SGCD: variants seen among roughly 807,000 people sequenced by gnomAD.
SGCD encodes the protein sarcoglycan delta, also known as delta-sarcoglycan.
SGCD carries 18 observed loss-of-function variants against 36.6 expected under a neutral mutation model. The ratio of observed to expected loss-of-function variants is 0.49; its 90% confidence interval spans 0.34 to 0.73. The LOEUF (loss-of-function observed/expected upper bound fraction) is 0.73, where lower values mean the gene tolerates loss of function less well. Among genes scored for constraint, SGCD ranks in the 30% least tolerant of loss-of-function variants. SGCD has a pLI of 0.01. For synonymous variants in SGCD, 133 were observed against 130.6 expected (o/e 1.02, Z -0.12); for missense variants, 387 against 346.7 (o/e 1.12, Z -0.92).
Position 156,766,488 on chromosome 5 carries a change from A to T in SGCD, c.*7098A>T, listed in dbSNP as rs1316896429. 1 of 150,978 alleles carries T rather than the reference A, an allele frequency of 6.6e-6. No homozygotes were observed. Among genetic ancestry groups the T allele is most frequent in the Non-Finnish European group, 1.5e-5 (1 of 67,834 alleles). The allele number at this position is 150,978 out of a possible 1,614,324, so 9.4% of individuals were successfully genotyped here. A position where few individuals can be genotyped will look rare whatever the true frequency, so the allele number is the denominator to read the frequency against. On this transcript the variant is annotated 3_prime_UTR_variant, in exon 9 of 9. Transcript: ENST00000337851. Reference sequence around the variant, plus strand: ...CCAGAGCACTCAGGCCGTTACTACCAATTTATCTGAGTTGGAAATAAGACT... The same window carrying T: ...CCAGAGCACTCAGGCCGTTACTACCTATTTATCTGAGTTGGAAATAAGACT...
intron 3 of SGCD, among the ~76,000 whole-genome samples, chr5:156,136,070 A>G (rs1008589278): frequency 4.6e-5 from 7 of 152,140 alleles, no homozygotes; most frequent in African/African-American, 1.7e-4. Context: ...TACCTTTCTG[A>G]CATTTTTCTT....
the SGCD span, among the ~76,000 whole-genome samples, chr5:155,798,596 C>T: frequency 6.6e-6 from 1 of 152,144 alleles, no homozygotes; most frequent in Admixed American, 6.6e-5. Context: ...TACTAAATTG[C>T]CCTCCTTAGG....
At chr5:156,290,453 C>G (rs903081803) in intron 3 of SGCD, among the ~76,000 whole-genome samples, 9 of 152,190 alleles carry the variant, frequency 5.9e-5, no homozygotes, top group African/African-American at 2.2e-4. Flanking sequence ...TGCTCCAACA[C>G]TTACCCAGCT....
intron 1 of SGCD, among the ~76,000 whole-genome samples, chr5:156,004,675 C>T (rs1191801309): frequency 6.6e-6 from 1 of 152,172 alleles, no homozygotes; most frequent in Non-Finnish European, 1.5e-5. Flanking sequence ...CAAAGTTTGG[C>T]GCTGGATTTT....
At chr5:156,417,801 C>CA (rs372237427) in intron 3 of SGCD, among the ~76,000 whole-genome samples, 2,349 of 151,582 alleles carry the variant, frequency 0.015, 28 homozygotes, top group Middle Eastern at 0.034. Flanking sequence ...GGGGAGGACC[C>CA]AATTCAGTTC....
At chr5:156,328,599 A>G (rs1767920909) in intron 1 of SGCD, among the ~76,000 whole-genome samples, 1 of 152,146 alleles carries the variant, frequency 6.6e-6, no homozygotes, top group African/African-American at 2.4e-5. Context: ...GAAGGCACAC[A>G]TTCTGTCCTG....
At chr5:156,616,139 A>G (rs1451861480) in intron 6 of SGCD, among the ~76,000 whole-genome samples, 1 of 152,140 alleles carries the variant, frequency 6.6e-6, no homozygotes, top group Non-Finnish European at 1.5e-5. Context: ...TCTCAGCTCT[A>G]TTTTCTAATC....
chr5:155,916,925 A>G (rs1282366078), intron 1 of SGCD, among the ~76,000 whole-genome samples: 3 of 152,100 alleles, frequency 2.0e-5, no homozygotes, highest in Admixed American at 2.0e-4. Context: ...GCCTAAGATT[A>G]CCCTGATGGA....
At chr5:155,879,298 T>C (rs1755829673) in intron 1 of SGCD, among the ~76,000 whole-genome samples, 1 of 152,182 alleles carries the variant, frequency 6.6e-6, no homozygotes, top group African/African-American at 2.4e-5. Flanking sequence ...TTTATAAAAC[T>C]GTAATGCATT....
the SGCD span, among the ~76,000 whole-genome samples, chr5:155,740,697 AT>A: frequency 0.26 from 40,112 of 152,116 alleles, 6,997 homozygotes; most frequent in East Asian, 0.52. Context: ...TGTTTGTATC[AT>A]TAGGTCTGTT....
intron 3 of SGCD, among the ~76,000 whole-genome samples, chr5:156,149,452 T>A (rs1483583921): frequency 1.3e-5 from 2 of 152,190 alleles, no homozygotes; most frequent in Non-Finnish European, 2.9e-5. Context: ...CTTCTTTGCA[T>A]CATCCCTGAA....
At chr5:155,995,584 G>A (rs758882565) in intron 1 of SGCD, among the ~76,000 whole-genome samples, 80 of 152,218 alleles carry the variant, frequency 5.3e-4, no homozygotes, top group Non-Finnish European at 9.0e-4. Context: ...GGTCATAAAT[G>A]CTTTAGTCGT....
intron 7 of SGCD, among the ~76,000 whole-genome samples, chr5:156,663,719 A>AT (rs1247110344): frequency 2.7e-5 from 4 of 147,422 alleles, no homozygotes; most frequent in East Asian, 2.0e-4. Context: ...CCCTGTAGGG[A>AT]TTTTTTGTGG....
chr5:155,765,386 AGAAGGAGGG>A, the SGCD span, among the ~76,000 whole-genome samples: 14 of 123,410 alleles, frequency 1.1e-4, no homozygotes, highest in African/African-American at 2.8e-4. Context: ...AAGGAAAAAG[AGAAGGAGGG>A]GAAGGAGGGG....
chr5:156,427,263 T>C (rs1185136993), intron 3 of SGCD, among the ~76,000 whole-genome samples: 2 of 152,150 alleles, frequency 1.3e-5, no homozygotes, highest in East Asian at 1.9e-4. Flanking sequence ...TGTCACCTCA[T>C]TGGTTAAGTA....
the SGCD span, among the ~76,000 whole-genome samples, chr5:155,766,235 C>T: frequency 6.6e-6 from 1 of 152,158 alleles, no homozygotes; most frequent in African/African-American, 2.4e-5. Flanking sequence ...AATCCACATA[C>T]ATTCATCCCT....
the SGCD span, among the ~76,000 whole-genome samples, chr5:155,799,810 CCCT>C: frequency 1.1e-5 from 1 of 90,290 alleles, no homozygotes; most frequent in African/African-American, 4.2e-5. Context: ...CTTCCTATTC[CCCT>C]TTTTTTTTTT....
At chr5:156,100,894 G>A (rs1761502308) in intron 1 of SGCD, among the ~76,000 whole-genome samples, 1 of 152,114 alleles carries the variant, frequency 6.6e-6, no homozygotes, top group Admixed American at 6.6e-5. Context: ...AAATGCTTGT[G>A]TGCCCTCCCC....
chr5:156,209,612 C>T (rs1019969995), intron 3 of SGCD, among the ~76,000 whole-genome samples: 3 of 152,204 alleles, frequency 2.0e-5, no homozygotes, highest in Admixed American at 2.0e-4. Flanking sequence ...CAAAATAAAC[C>T]CAGGTTTCAA....
Sources: gnomAD v4.1 joint callset for allele counts (sites outside exome capture counted in the v4.1 genomes callset) on GRCh38, gnomAD v4.1.1 for gene constraint, MANE v1.5 for transcripts, NCBI Gene and HGNC (gene_info 2026-07-23, HGNC 2026-07-21) for gene names.